Variants in ADAMTS3 observed in about 807,000 individuals in gnomAD.
ADAMTS3 encodes ADAM metallopeptidase with thrombospondin type 1 motif 3.
Under a neutral mutation model 129.0 loss-of-function variants are expected in ADAMTS3, and 73 were observed. That is an observed-to-expected ratio of 0.57 (90% CI 0.47 to 0.69). The LOEUF is 0.69. Ranked by LOEUF, ADAMTS3 falls within the 30% of genes least tolerant of loss-of-function variation. ADAMTS3 has a pLI of 0.00. For missense variants in ADAMTS3, 1,457 were observed against 1,514.5 expected, an observed-to-expected ratio of 0.96 and a Z score of 0.63; for synonymous variants, 477 against 510.8, an observed-to-expected ratio of 0.93 and a Z score of 0.89.
At chr4:72,288,925 C>CACAT (rs1553903614) in intron 20 of ADAMTS3, 57 bp from the exon 21 acceptor site, 1 of 60,344 alleles carries the variant, frequency 1.7e-5, no homozygotes, top group Non-Finnish European at 5.0e-5. Context: ...CATGCACATA[C>CACAT]ACACACACAC....
At chr4:72,386,910 C>A (rs1721462596) in intron 4 of ADAMTS3, among the ~76,000 whole-genome samples, 1 of 152,074 alleles carries the variant, frequency 6.6e-6, no homozygotes, top group Non-Finnish European at 1.5e-5. Flanking sequence ...TACTCACTGA[C>A]CTTCCTATTT....
chr4:72,469,628 A>G (rs1719011639), intron 3 of ADAMTS3, among the ~76,000 whole-genome samples: 1 of 151,982 alleles, frequency 6.6e-6, no homozygotes, highest in African/African-American at 2.4e-5. Context: ...CTCTTGAACA[A>G]CACAGATGTG....
chr4:72,530,136 A>ATACAT lies in ADAMTS3; in HGVS notation c.504+18341_504+18342insATGTA, dbSNP rs1553921146. 1.2e-4 allele frequency among the ~76,000 whole-genome samples: 3 copies of ATACAT among 25,166 alleles called. 1 individual carries two copies. Among genetic ancestry groups the ATACAT allele is most frequent in the African/African-American group, 5.4e-4 (3 of 5,550 alleles). The allele number at this position is 25,166 out of a possible 152,430, so 16.5% of individuals were successfully genotyped here. A position where few individuals can be genotyped will look rare whatever the true frequency, so the allele number is the denominator to read the frequency against. On this transcript the variant is annotated intron_variant, in intron 3 of 21. Coordinates refer to ENST00000286657, the MANE Select transcript of ADAMTS3 (RefSeq NM_014243.3). ...TATATATTATGTATTATAATATAAT[A>ATACAT]TATATTATATATTAAATTATATTAT...
chr4:72,379,188 G>A (rs1044857506), intron 4 of ADAMTS3, among the ~76,000 whole-genome samples: 6 of 151,988 alleles, frequency 3.9e-5, no homozygotes, highest in Non-Finnish European at 5.9e-5. Flanking sequence ...TCAGGGGGAG[G>A]GGCTATTCAG....
At chr4:72,337,396 A>G (rs961137833) in intron 5 of ADAMTS3, among the ~76,000 whole-genome samples, 1 of 152,152 alleles carries the variant, frequency 6.6e-6, no homozygotes, top group Non-Finnish European at 1.5e-5. Flanking sequence ...TGTCTGGTGA[A>G]TATACTGTAT....
At chr4:72,417,191 G>A (rs1283871824) in intron 3 of ADAMTS3, among the ~76,000 whole-genome samples, 1 of 152,004 alleles carries the variant, frequency 6.6e-6, no homozygotes, top group Non-Finnish European at 1.5e-5. Context: ...TTGTTTATTC[G>A]GATTACAGAA....
At chr4:72,463,617 C>T (rs1245544076) in intron 3 of ADAMTS3, among the ~76,000 whole-genome samples, 2 of 151,026 alleles carry the variant, frequency 1.3e-5, no homozygotes, top group African/African-American at 4.9e-5. Flanking sequence ...CTGCCACTGC[C>T]CAAAAATAAT....
At chr4:72,450,022 A>C (rs755757827) in intron 3 of ADAMTS3, among the ~76,000 whole-genome samples, 2 of 151,736 alleles carry the variant, frequency 1.3e-5, no homozygotes, top group East Asian at 2.0e-4. Context: ...TTTTCCACCT[A>C]TCTCTCCCTG....
chr4:72,495,934 C>T (rs544743830), intron 3 of ADAMTS3, among the ~76,000 whole-genome samples: 4 of 152,284 alleles, frequency 2.6e-5, no homozygotes, highest in Non-Finnish European at 4.4e-5. Flanking sequence ...TACATCTTTC[C>T]ATGTAAGCAA....
chr4:72,421,151 T>C (rs1722434789), intron 3 of ADAMTS3, among the ~76,000 whole-genome samples: 1 of 152,252 alleles, frequency 6.6e-6, no homozygotes, highest in Admixed American at 6.5e-5. Flanking sequence ...GCCCTCCATG[T>C]CCTAGCCTTG....
At chr4:72,483,228 A>G (rs181996022) in intron 3 of ADAMTS3, among the ~76,000 whole-genome samples, 5 of 152,206 alleles carry the variant, frequency 3.3e-5, no homozygotes, top group African/African-American at 1.2e-4. Context: ...AAAATATGAC[A>G]GTTTATGTAG....
intron 3 of ADAMTS3, among the ~76,000 whole-genome samples, chr4:72,500,337 C>T (rs1719981975): frequency 6.6e-6 from 1 of 151,946 alleles, no homozygotes; most frequent in South Asian, 2.1e-4. Context: ...GATGGTATTT[C>T]CTTGTGGTTT....
At chr4:72,551,110 T>C (rs1721635889) in intron 2 of ADAMTS3, among the ~76,000 whole-genome samples, 1 of 152,112 alleles carries the variant, frequency 6.6e-6, no homozygotes, top group African/African-American at 2.4e-5. Flanking sequence ...AGTTATAGCT[T>C]TTTCTCTAAC....
intron 3 of ADAMTS3, among the ~76,000 whole-genome samples, chr4:72,496,214 C>T (rs1428551588): frequency 1.3e-5 from 2 of 152,204 alleles, no homozygotes; most frequent in Non-Finnish European, 2.9e-5. Context: ...GAATGATTAA[C>T]ACGTCATCAC....
intron 17 of ADAMTS3, among the ~76,000 whole-genome samples, chr4:72,299,530 A>G (rs1439767834): frequency 1.3e-5 from 2 of 152,146 alleles, no homozygotes; most frequent in Non-Finnish European, 2.9e-5. Flanking sequence ...ACTGAAGGGA[A>G]CAAACACTTT....
chr4:72,472,928 A>G (rs770799987), intron 3 of ADAMTS3, among the ~76,000 whole-genome samples: 1 of 152,204 alleles, frequency 6.6e-6, no homozygotes, highest in East Asian at 1.9e-4. Context: ...GTATGAGTGA[A>G]AGAGAAATTC....
At chr4:72,353,612 G>C (rs531494818) in intron 4 of ADAMTS3, among the ~76,000 whole-genome samples, 1 of 152,022 alleles carries the variant, frequency 6.6e-6, no homozygotes, top group Admixed American at 6.6e-5. Context: ...ACCAGGGTGG[G>C]CCATCTTCTG....
At chr4:72,538,631 C>CA (rs1721240699) in intron 3 of ADAMTS3, among the ~76,000 whole-genome samples, 1 of 151,690 alleles carries the variant, frequency 6.6e-6, no homozygotes. Flanking sequence ...ATGCCAAAGA[C>CA]TTTTTTTTGG....
intron 19 of ADAMTS3, among the ~76,000 whole-genome samples, chr4:72,294,863 G>T (rs1718766327): frequency 6.6e-6 from 1 of 152,034 alleles, no homozygotes; most frequent in Admixed American, 6.6e-5. Flanking sequence ...CCAGAGAAGA[G>T]AAACGTAGTA....
Sources: allele counts gnomAD v4.1 joint callset (sites outside exome capture counted in the v4.1 genomes callset), GRCh38; gene constraint gnomAD v4.1.1; transcripts MANE v1.5; gene names NCBI Gene and HGNC (gene_info 2026-07-23, HGNC 2026-07-21).